TSR2: variants seen among roughly 807,000 people sequenced by gnomAD.
The protein encoded by TSR2 is TSR2 ribosome maturation factor.
Under a neutral mutation model 13.3 loss-of-function variants are expected in TSR2, and 1 was observed. The observed-to-expected ratio is 0.08, with a 90% CI of 0.03 to 0.36. TSR2 has a LOEUF of 0.36. Among genes scored for constraint, TSR2 ranks in the 10% least tolerant of loss-of-function variants. TSR2 has a pLI of 0.99. For synonymous variants in TSR2, 60 were observed against 57.7 expected, an observed-to-expected ratio of 1.04 and a Z score of -0.18; for missense variants, 120 against 151.1, an observed-to-expected ratio of 0.79 and a Z score of 1.08.
chrX:54,440,852 C>G, intron 2 of TSR2, 72 bp downstream of exon 2: 1 of 850,304 alleles, frequency 1.2e-6, no homozygotes, highest in Non-Finnish European at 1.6e-6. Flanking sequence ...CCCGCAGAGC[C>G]TGCATTTCCT....
Position 54,445,940 on chromosome X carries a change from G to T in TSR2, c.*1390G>T. 2.3e-6 allele frequency: 1 copy of T among 441,651 alleles called. No homozygotes were observed. 36.4% of individuals were successfully genotyped at this position (441,651 alleles called of 1,213,427 possible). ...AGGAATATATTTTTTAAAAGCCCACGTTTTGTGAAAAGATGAATTAAAAAA... is the reference window on the plus strand; with the variant it reads ...AGGAATATATTTTTTAAAAGCCCACTTTTTGTGAAAAGATGAATTAAAAAA... On this transcript the variant is annotated 3_prime_UTR_variant, in exon 5 of 5. Coordinates refer to ENST00000375151, the MANE Select transcript of TSR2 (RefSeq NM_058163.3).
Position 54,444,832 on chromosome X carries a change from G to A in TSR2, c.*282G>A, listed in dbSNP as rs1922068732. 1.2e-5 allele frequency: 2 copies of A among 171,779 alleles called. No homozygotes were observed. Among genetic ancestry groups the A allele is most frequent in the Non-Finnish European group, 2.2e-5 (2 of 91,525 alleles). The allele number at this position is 171,779 out of a possible 1,213,427, so 14.2% of individuals were successfully genotyped here. On this transcript the variant is annotated 3_prime_UTR_variant, in exon 5 of 5. Coordinates refer to ENST00000375151, the MANE Select transcript of TSR2 (RefSeq NM_058163.3). ...TGTCTTTTGGGTGCGGTCATTGTGA[G>A]GAAGGGGATGAGTGAGTGTGGGTGT...
chrX:54,447,569 A>G lies in TSR2; in HGVS notation c.*3019A>G. The G allele has an allele frequency of 1.3e-6, 1 of 796,605 alleles. No homozygotes were observed. The highest frequency in any genetic ancestry group is 1.8e-6 in the Non-Finnish European group (1 of 544,297). The allele number at this position is 796,605 out of a possible 1,213,427, so 65.6% of individuals were successfully genotyped here. On this transcript the variant is annotated 3_prime_UTR_variant, in exon 5 of 5. Coordinates refer to ENST00000375151, the MANE Select transcript of TSR2 (RefSeq NM_058163.3). ...ATTCCTATCTCAGATGAAGACGCTC[A>G]AGCTCAGGTGGCAGGAGTGATTTGT... is the stretch of plus-strand genomic sequence containing the variant.
At position 54,443,392 on chromosome X, in the gene TSR2, C is replaced by T. The variant is rs758116104; in HGVS notation, c.173-8C>T. 7.5e-6 allele frequency: 9 copies of T among 1,199,425 alleles called. No homozygotes were observed. The highest frequency in any genetic ancestry group is 1.0e-5 in the Non-Finnish European group (9 of 887,493). On this transcript the variant is annotated splice_region_variant and splice_polypyrimidine_tract_variant and intron_variant, in intron 2 of 4. Transcript: ENST00000375151. The stretch of plus-strand genomic sequence containing the variant: ...TTTGACCCAAGGGCCCTGTCCTTTT[C>T]TACTTAGCTGACTTGGAGCTAGATG...
Position 54,445,792 on chromosome X carries a change from T to G in TSR2, c.*1242T>G. Reference sequence around the variant, plus strand: ...CTCTGGTGCTTTGTGGGGAACTGGGTGGAGGCAGGATCTGTGGTAGGGTAT... The same window carrying G: ...CTCTGGTGCTTTGTGGGGAACTGGGGGGAGGCAGGATCTGTGGTAGGGTAT... On this transcript the variant is annotated 3_prime_UTR_variant, in exon 5 of 5. Transcript: ENST00000375151. The G allele has an allele frequency of 4.4e-6, 1 of 229,603 alleles. No homozygotes were observed. The highest frequency in any genetic ancestry group is 7.1e-5 in the Admixed American group (1 of 14,132). 18.9% of individuals were successfully genotyped at this position (229,603 alleles called of 1,213,427 possible).
Position 54,444,789 on chromosome X carries a change from C to A in TSR2, c.*239C>A. On this transcript the variant is annotated 3_prime_UTR_variant, in exon 5 of 5. Coordinates refer to ENST00000375151, the MANE Select transcript of TSR2 (RefSeq NM_058163.3). ...TTTAGTTAACATCCGAGTGACGAAG[C>A]CGGGTTCCCCAGTACAGTGTCTTTT... is the stretch of plus-strand genomic sequence containing the variant. 1 of 253,160 alleles carries A rather than the reference C, an allele frequency of 4.0e-6. No homozygotes were observed. Among genetic ancestry groups the A allele is most frequent in the Non-Finnish European group, 7.1e-6 (1 of 140,411 alleles). 20.9% of individuals were successfully genotyped at this position (253,160 alleles called of 1,213,427 possible).
chrX:54,440,770 C>G lies in TSR2; in HGVS notation c.162C>G (p.Phe54Leu). 8.4e-7 allele frequency: 1 copy of G among 1,196,829 alleles called. No individual in the cohort carries two copies. Among genetic ancestry groups the G allele is most frequent in the Middle Eastern group, 2.3e-4 (1 of 4,257 alleles). The change falls in exon 2 of 5, where the codon TTC (phenylalanine) becomes TTG (leucine). Residue 54 changes from phenylalanine (F) to leucine (L), a missense_variant. Physicochemically the swap from Phe to Leu is conservative, Grantham distance 22. Coordinates refer to ENST00000375151, the MANE Select transcript of TSR2 (RefSeq NM_058163.3). ...KWLGGAVEDY[F>L]MRNADLELDE... ...TGGGGGGTGCAGTGGAGGATTACTT[C>G]ATGCGCAATGGTGAGTGAATGTGAG...
intron 4 of TSR2, 103 bp downstream of exon 4, chrX:54,444,287 GGTA>G: frequency 8.6e-7 from 1 of 1,158,577 alleles, no homozygotes; most frequent in Non-Finnish European, 1.2e-6. Context: ...GGTGGTTGGT[GGTA>G]GTAGTATTAT....
At position 54,446,557 on chromosome X, in the gene TSR2, G is replaced by A; in HGVS notation, c.*2007G>A. 1 of 527,689 alleles carries A rather than the reference G, an allele frequency of 1.9e-6. No individual in the cohort carries two copies. The highest frequency in any genetic ancestry group is 3.8e-5 in the Admixed American group (1 of 26,025). The allele number at this position is 527,689 out of a possible 1,213,427, so 43.5% of individuals were successfully genotyped here. A position where few individuals can be genotyped will look rare whatever the true frequency, so the allele number is the denominator to read the frequency against. On this transcript the variant is annotated 3_prime_UTR_variant, in exon 5 of 5. Coordinates refer to ENST00000375151, the MANE Select transcript of TSR2 (RefSeq NM_058163.3). ...CTCAGGAACCTTCCGTGGCTCCAGT[G>A]TTATCAACAGGAACATGTCAGAACT... is the stretch of plus-strand genomic sequence containing the variant.
Position 54,444,421 on chromosome X carries a change from A to G in TSR2, c.447A>G (p.Thr149=), listed in dbSNP as rs766049353. ...DVDSVEEMEV[T]ATNDGAATDG... ...CTTTTAAATCTCCCCTCCAGGTCAC[A>G]GCTACGAATGATGGGGCTGCTACAG... Residue 149 remains threonine, a synonymous_variant, in exon 5 of 5, where the codon ACA becomes ACG. Transcript: ENST00000375151. 7 of 1,206,056 alleles carry G rather than the reference A, an allele frequency of 5.8e-6. No individual in the cohort carries two copies. The highest frequency in any genetic ancestry group is 5.6e-6 in the Non-Finnish European group (5 of 893,515).
In TSR2 at chrX:54,444,623, G is replaced by A; in HGVS notation, c.*73G>A. 9.9e-7 allele frequency: 1 copy of A among 1,007,014 alleles called. No homozygotes were observed. Among genetic ancestry groups the A allele is most frequent in the Non-Finnish European group, 1.4e-6 (1 of 738,600 alleles). The allele number at this position is 1,007,014 out of a possible 1,213,427, so 83.0% of individuals were successfully genotyped here. A position where few individuals can be genotyped will look rare whatever the true frequency, so the allele number is the denominator to read the frequency against. On this transcript the variant is annotated 3_prime_UTR_variant, in exon 5 of 5. Transcript: ENST00000375151. Reference sequence around the variant, plus strand: ...AGTTGTCTGTAGGGGTTTTTTTTTTGAGGATTGCAGACCTGTGGACTGGTT... The same window carrying A: ...AGTTGTCTGTAGGGGTTTTTTTTTTAAGGATTGCAGACCTGTGGACTGGTT...
Position 54,446,696 on chromosome X carries a change from C to G in TSR2, c.*2146C>G, listed in dbSNP as rs1170649356. On this transcript the variant is annotated 3_prime_UTR_variant, in exon 5 of 5. Transcript: ENST00000375151. Reference sequence around the variant, plus strand: ...CCAAATAATGTTTTCAGGCCTTTGTCTATGCTATTGCCCCTATCTGCATAC... The same window carrying G: ...CCAAATAATGTTTTCAGGCCTTTGTGTATGCTATTGCCCCTATCTGCATAC... Among the ~76,000 whole-genome samples the G allele has an allele frequency of 2.1e-5, 2 of 96,991 alleles. No individual in the cohort carries two copies. Among genetic ancestry groups the G allele is most frequent in the Non-Finnish European group, 4.1e-5 (2 of 48,584 alleles). 84.2% of individuals were successfully genotyped at this position (96,991 alleles called of 115,157 possible). A position where few individuals can be genotyped will look rare whatever the true frequency, so the allele number is the denominator to read the frequency against.
Position 54,447,106 on chromosome X carries a change from C to T in TSR2, c.*2556C>T, listed in dbSNP as rs1186065559. Among the ~76,000 whole-genome samples the T allele has an allele frequency of 8.9e-6, 1 of 111,957 alleles. No individual in the cohort carries two copies. The highest frequency in any genetic ancestry group is 3.2e-5 in the African/African-American group (1 of 30,804). On this transcript the variant is annotated 3_prime_UTR_variant, in exon 5 of 5. Transcript: ENST00000375151. ...CTTCCAGGAAGCCAGGCCCACAACT[C>T]ATCCTGGTTTTCCCTACATACCACA...
chrX:54,446,550 C>T lies in TSR2; in HGVS notation c.*2000C>T. On this transcript the variant is annotated 3_prime_UTR_variant, in exon 5 of 5. Coordinates refer to ENST00000375151, the MANE Select transcript of TSR2 (RefSeq NM_058163.3). Reference sequence around the variant, plus strand: ...TCCCCTACTCAGGAACCTTCCGTGGCTCCAGTGTTATCAACAGGAACATGT... The same window carrying T: ...TCCCCTACTCAGGAACCTTCCGTGGTTCCAGTGTTATCAACAGGAACATGT... 3.6e-6 allele frequency: 2 copies of T among 558,864 alleles called. No homozygotes were observed. The highest frequency in any genetic ancestry group is 5.7e-6 in the Non-Finnish European group (2 of 351,701). The allele number at this position is 558,864 out of a possible 1,213,427, so 46.1% of individuals were successfully genotyped here. A position where few individuals can be genotyped will look rare whatever the true frequency, so the allele number is the denominator to read the frequency against.
Position 54,444,159 on chromosome X carries a change from A to G in TSR2, c.416A>G (p.Asp139Gly). 1 of 1,210,910 alleles carries G rather than the reference A, an allele frequency of 8.3e-7. No homozygotes were observed. Among genetic ancestry groups the G allele is most frequent in the Non-Finnish European group, 1.1e-6 (1 of 894,863 alleles). The change falls in exon 4 of 5, where the codon GAT becomes GGT. Residue 139 changes from aspartate (D) to glycine (G), a missense_variant. Physicochemically the swap from Asp to Gly is moderately conservative, Grantham distance 94. Coordinates refer to ENST00000375151, the MANE Select transcript of TSR2 (RefSeq NM_058163.3). ...AGAGAGACTGATGAGGATGAAGATGATGTGGACAGTGTGGAAGAGATGGAG... is the reference window on the plus strand; with the variant it reads ...AGAGAGACTGATGAGGATGAAGATGGTGTGGACAGTGTGGAAGAGATGGAG... ...TARETDEDED[D>G]VDSVEEMEVT...
At position 54,441,274 on chromosome X, in the gene TSR2, C is replaced by T. The variant is rs757175661; in HGVS notation, c.172+494C>T. Reference sequence around the variant, plus strand: ...TTTAGCACATTTCGATTTGGCCTAGCCATATTTCAAGTGCTCAGTAACCAC... The same window carrying T: ...TTTAGCACATTTCGATTTGGCCTAGTCATATTTCAAGTGCTCAGTAACCAC... On this transcript the variant is annotated intron_variant, in intron 2 of 4. Transcript: ENST00000375151. 2.4e-4 allele frequency among the ~76,000 whole-genome samples: 27 copies of T among 111,436 alleles called. No individual in the cohort carries two copies. In the East Asian group the frequency reaches 7.3e-3, roughly 30 times the overall value.
In TSR2 at chrX:54,446,179, T is replaced by G. The variant is rs147012050; in HGVS notation, c.*1629T>G. 251 of 1,209,504 alleles carry G rather than the reference T, an allele frequency of 2.1e-4. No individual in the cohort carries two copies. The highest frequency in any genetic ancestry group is 1.7e-3 in the African/African-American group (100 of 57,224). On this transcript the variant is annotated 3_prime_UTR_variant, in exon 5 of 5. Transcript: ENST00000375151. ...GGCTCCTAAAGCAGCCACCGGTGCCTCCTCCATCTCCCTGTCCTCAGACAG... is the reference window on the plus strand; with the variant it reads ...GGCTCCTAAAGCAGCCACCGGTGCCGCCTCCATCTCCCTGTCCTCAGACAG...
In TSR2 at chrX:54,444,144, A is replaced by G; in HGVS notation, c.401A>G (p.Asp134Gly). The change falls in exon 4 of 5, where the codon GAT becomes GGT. Residue 134 changes from aspartate (D) to glycine (G), a missense_variant. Physicochemically the swap from Asp to Gly is moderately conservative, Grantham distance 94. This residue lies in a region of TSR2 where 55 missense variants were observed against 61.3 expected (regional missense o/e 0.90). Transcript: ENST00000375151. ...ATALKTARET[D>G]EDEDDVDSVE... The stretch of plus-strand genomic sequence containing the variant: ...GCACTTAAGACAGCTAGAGAGACTG[A>G]TGAGGATGAAGATGATGTGGACAGT... 1 of 1,211,659 alleles carries G rather than the reference A, an allele frequency of 8.3e-7. No individual in the cohort carries two copies. The highest frequency in any genetic ancestry group is 1.1e-6 in the Non-Finnish European group (1 of 895,427).
rs937902675 is a variant in TSR2, at chrX:54,443,268, T to C, written c.173-132T>C. The C allele has an allele frequency of 4.5e-5, 21 of 469,665 alleles. No individual in the cohort carries two copies. The African/African-American group carries it at 5.3e-4, about 12-fold the overall frequency. 38.7% of individuals were successfully genotyped at this position (469,665 alleles called of 1,213,427 possible). Reference sequence around the variant, plus strand: ...TTAAAACCTGGAATGCAGAACACTTTAGCAGATAAAAGGCTCACTGTGCCT... The same window carrying C: ...TTAAAACCTGGAATGCAGAACACTTCAGCAGATAAAAGGCTCACTGTGCCT... On this transcript the variant is annotated intron_variant, in intron 2 of 4. Coordinates refer to ENST00000375151, the MANE Select transcript of TSR2 (RefSeq NM_058163.3).
Sources: gnomAD v4.1 joint callset for allele counts (sites outside exome capture counted in the v4.1 genomes callset) on GRCh38, gnomAD v4.1.1 for gene constraint, gnomAD v4.1.1 regional missense constraint, MANE v1.5 for transcripts, NCBI Gene and HGNC (gene_info 2026-07-23, HGNC 2026-07-21) for gene names.